Variants in DIS3L2 observed in about 807,000 individuals in gnomAD.
DIS3L2 encodes the protein DIS3 like 3'-5' exoribonuclease 2.
In DIS3L2, 34 loss-of-function variants were observed where a neutral mutation model predicts 97.5. The observed-to-expected ratio is 0.35, with a 90% CI of 0.27 to 0.46. The LOEUF is 0.46. Among genes scored for constraint, DIS3L2 ranks in the 20% least tolerant of loss-of-function variants. DIS3L2 has a pLI of 1.00. For missense variants in DIS3L2, 1,038 were observed against 1,146.0 expected, an observed-to-expected ratio of 0.91 and a Z score of 1.36; for synonymous variants, 435 against 445.2, an observed-to-expected ratio of 0.98 and a Z score of 0.29.
chr2:232,177,220 G>T lies in DIS3L2; in HGVS notation c.1124+13588G>T, dbSNP rs1270682803. On this transcript the variant is annotated intron_variant, in intron 9 of 20. Coordinates refer to ENST00000325385, the MANE Select transcript of DIS3L2 (RefSeq NM_152383.5). ...CAGTCTATCATTGTTGGACATTTGG[G>T]TTGGTTCCAAGTCTTTGCTATTGTG... Among the ~76,000 whole-genome samples, 912 of 142,558 alleles carry T rather than the reference G, an allele frequency of 6.4e-3. 17 individuals carry two copies. Among genetic ancestry groups the T allele is most frequent in the African/African-American group, 0.022 (863 of 38,642 alleles). The allele number at this position is 142,558 out of a possible 152,430, so 93.5% of individuals were successfully genotyped here.
At chr2:232,300,760 T>G (rs1440278275) in intron 14 of DIS3L2, among the ~76,000 whole-genome samples, 1 of 150,848 alleles carries the variant, frequency 6.6e-6, no homozygotes, top group Admixed American at 6.6e-5. Flanking sequence ...GCTCAAGTGA[T>G]CCTCCCACCT....
chr2:232,287,777 G>C (rs1574995677), intron 13 of DIS3L2, among the ~76,000 whole-genome samples: 1 of 152,034 alleles, frequency 6.6e-6, no homozygotes, highest in South Asian at 2.1e-4. Flanking sequence ...ACTTTTGTCT[G>C]TACTGTTTTA....
chr2:232,077,706 C>T (rs544093151), intron 5 of DIS3L2, among the ~76,000 whole-genome samples: 1 of 152,200 alleles, frequency 6.6e-6, no homozygotes, highest in Non-Finnish European at 1.5e-5. Context: ...CCATTTGCAG[C>T]ATGCACTCAG....
chr2:232,131,099 T>A (rs909204615), intron 7 of DIS3L2: 19 of 180,212 alleles, frequency 1.1e-4, no homozygotes, highest in Admixed American at 3.7e-4. Flanking sequence ...TTGCTCCAAT[T>A]TTTTTGTTGT....
intron 20 of DIS3L2, 155 bp downstream of exon 20, chr2:232,336,029 C>T: frequency 1.3e-6 from 2 of 1,523,538 alleles, no homozygotes; most frequent in South Asian, 1.3e-5. Context: ...CACCCAGACC[C>T]CCTCCTGTGG....
In DIS3L2 at chr2:232,300,105, C is replaced by T. The variant is rs1037322892; in HGVS notation, c.1725C>T (p.Tyr575=). The T allele has an allele frequency of 6.2e-7, 1 of 1,613,646 alleles. No homozygotes were observed. ...CTCAAGGATGTCATATCTATGAGTA[C>T]CGCGAGAGCAACAAGTAAGCCACTC... is the stretch of plus-strand genomic sequence containing the variant. ...GLPQGCHIYE[Y]RESNKLVEEF... The change falls in exon 14 of 21, where the codon TAC becomes TAT. Residue 575 remains tyrosine, a synonymous_variant. Transcript: ENST00000325385.
chr2:231,965,445 GA>G (rs1692682123), intron 1 of DIS3L2, among the ~76,000 whole-genome samples: 2 of 146,504 alleles, frequency 1.4e-5, no homozygotes, highest in South Asian at 4.9e-4. Context: ...CATCTGAATT[GA>G]CTTTTTTTTT....
intron 6 of DIS3L2, among the ~76,000 whole-genome samples, chr2:232,108,471 A>C (rs1697425100): frequency 1.3e-5 from 2 of 152,196 alleles, no homozygotes; most frequent in South Asian, 4.1e-4. Flanking sequence ...CTCGTAAGAC[A>C]AGGTTACTTG....
At chr2:232,201,054 C>T (rs1257572967) in intron 9 of DIS3L2, among the ~76,000 whole-genome samples, 11 of 152,138 alleles carry the variant, frequency 7.2e-5, no homozygotes, top group African/African-American at 1.4e-4. Context: ...GGATTACAGG[C>T]GTGAGCCACC....
At chr2:232,105,958 C>T (rs894941449) in intron 6 of DIS3L2, among the ~76,000 whole-genome samples, 6 of 152,110 alleles carry the variant, frequency 3.9e-5, no homozygotes, top group African/African-American at 1.4e-4. Flanking sequence ...ATACTAGGCT[C>T]CCTGGGCTTT....
At chr2:232,329,785 T>TCCCCGGGGGGGGGGCC in intron 14 of DIS3L2, 28 bp from the exon 15 acceptor site, 14 of 967,126 alleles carry the variant, frequency 1.4e-5, no homozygotes, top group South Asian at 2.1e-5. Flanking sequence ...ACCCCAGCGG[T>TCCCCGGGGGGGGGGCC]CCCTCCCATC....
At chr2:232,319,860 A>G (rs890828050) in intron 14 of DIS3L2, among the ~76,000 whole-genome samples, 1 of 152,218 alleles carries the variant, frequency 6.6e-6, no homozygotes, top group Non-Finnish European at 1.5e-5. Flanking sequence ...GTCTGGCCTC[A>G]CCATCTGACT....
chr2:232,333,773 TGCCAGCCTTCC>T, intron 16 of DIS3L2, 56 bp from the exon 17 acceptor site: 22 of 1,526,096 alleles, frequency 1.4e-5, no homozygotes, highest in South Asian at 6.3e-5. Flanking sequence ...CTGTGGGTGG[TGCCAGCCTTCC>T]AGGCCTGGCT....
At chr2:232,336,129 C>G in intron 20 of DIS3L2, 1 of 1,538,124 alleles carries the variant, frequency 6.5e-7, no homozygotes, top group Non-Finnish European at 8.8e-7. Flanking sequence ...TGCAGGGGTG[C>G]TGGCCTTCTA....
At chr2:232,129,389 A>C (rs146354813) in intron 6 of DIS3L2, among the ~76,000 whole-genome samples, 7 of 152,342 alleles carry the variant, frequency 4.6e-5, no homozygotes, top group African/African-American at 1.7e-4. Flanking sequence ...CAATTATAAA[A>C]AATGTTCTAA....
intron 12 of DIS3L2, among the ~76,000 whole-genome samples, chr2:232,262,107 C>G (rs998222999): frequency 2.6e-5 from 4 of 152,102 alleles, no homozygotes; most frequent in African/African-American, 9.7e-5. Context: ...TCTCTCAGCT[C>G]TCTTGTTTTT....
In DIS3L2 at chr2:232,261,534, G is replaced by A. The variant is rs190100578; in HGVS notation, c.1426-1673G>A. Among the ~76,000 whole-genome samples the A allele has an allele frequency of 1.1e-4, 17 of 152,290 alleles. No homozygotes were observed. In the East Asian group the frequency reaches 3.1e-3, roughly 28 times the overall value. ...TTGCTGTTTGAGTAGCACCGGGGAC[G>A]TGTGCATGAGGCTGATGGGAGGCCG... On this transcript the variant is annotated intron_variant, in intron 12 of 20. Transcript: ENST00000325385.
intron 9 of DIS3L2, among the ~76,000 whole-genome samples, chr2:232,184,104 A>G (rs1293432817): frequency 2.6e-5 from 4 of 152,194 alleles, no homozygotes; most frequent in East Asian, 1.9e-4. Context: ...TGCATCTCAG[A>G]TTGTTAAAAG....
chr2:232,089,956 G>T (rs932086389), intron 6 of DIS3L2, among the ~76,000 whole-genome samples: 1 of 152,072 alleles, frequency 6.6e-6, no homozygotes, highest in African/African-American at 2.4e-5. Context: ...TTGAGATAGG[G>T]TCTCACTTTT....
Sources: allele counts gnomAD v4.1 joint callset (sites outside exome capture counted in the v4.1 genomes callset), GRCh38; gene constraint gnomAD v4.1.1; transcripts MANE v1.5; gene names NCBI Gene and HGNC (gene_info 2026-07-23, HGNC 2026-07-21).